CNTN5: variants seen among roughly 807,000 people sequenced by gnomAD.
CNTN5 encodes the protein contactin 5.
In CNTN5, 77 loss-of-function variants were observed where a neutral mutation model predicts 129.1. The ratio of observed to expected loss-of-function variants is 0.60; its 90% CI spans 0.50 to 0.72. The LOEUF is 0.72. Ranked by LOEUF, CNTN5 falls within the 30% of genes least tolerant of loss-of-function variation. The probability of loss-of-function intolerance (pLI) is 0.00; values close to 1 mark genes in which losing one functional copy is unlikely to be tolerated. For missense variants in CNTN5, 1,478 were observed against 1,328.8 expected (o/e 1.11, Z -1.75); for synonymous variants, 509 against 465.6 (o/e 1.09, Z -1.20).
At chr11:100,070,000 G>GTT (rs1044081474) in intron 10 of CNTN5, among the ~76,000 whole-genome samples, 4 of 151,992 alleles carry the variant, frequency 2.6e-5, no homozygotes, top group Middle Eastern at 3.2e-3. Flanking sequence ...TCATTCAGGT[G>GTT]TTATATATAT....
intron 1 of CNTN5, among the ~76,000 whole-genome samples, chr11:99,135,747 G>A (rs996072157): frequency 6.6e-6 from 1 of 151,904 alleles, no homozygotes; most frequent in African/African-American, 2.4e-5. Flanking sequence ...ATACTTACAT[G>A]TTTATAGTAA....
chr11:100,315,614 G>A (rs1951559881), intron 21 of CNTN5, among the ~76,000 whole-genome samples: 1 of 152,052 alleles, frequency 6.6e-6, no homozygotes, highest in African/African-American at 2.4e-5. Flanking sequence ...AAGAAAAATG[G>A]TGGTCTTTTC....
chr11:99,162,462 C>T (rs968754497), intron 1 of CNTN5, among the ~76,000 whole-genome samples: 2 of 152,084 alleles, frequency 1.3e-5, no homozygotes, highest in African/African-American at 4.8e-5. Context: ...CTGGGTCATG[C>T]TTGGTGAATC....
chr11:99,636,733 A>G (rs2135822981), intron 3 of CNTN5, among the ~76,000 whole-genome samples: 1 of 151,854 alleles, frequency 6.6e-6, no homozygotes, highest in Non-Finnish European at 1.5e-5. Flanking sequence ...TAAATGACTC[A>G]GCTGGGCGCG....
intron 3 of CNTN5, among the ~76,000 whole-genome samples, chr11:99,664,669 T>A (rs1258842362): frequency 6.6e-6 from 1 of 152,212 alleles, no homozygotes; most frequent in Non-Finnish European, 1.5e-5. Flanking sequence ...GTTGGATCAC[T>A]GGAACTATTA....
At chr11:99,420,789 A>G (rs1942854214) in intron 2 of CNTN5, among the ~76,000 whole-genome samples, 2 of 152,120 alleles carry the variant, frequency 1.3e-5, no homozygotes, top group African/African-American at 2.4e-5. Flanking sequence ...CAAGATAGAC[A>G]TTTTCTCTCT....
At chr11:100,212,927 C>T (rs1413361992) in intron 15 of CNTN5, among the ~76,000 whole-genome samples, 1 of 152,088 alleles carries the variant, frequency 6.6e-6, no homozygotes, top group East Asian at 1.9e-4. Flanking sequence ...GTTTCAGTCT[C>T]ATGGCACCCT....
At chr11:99,339,068 T>C (rs889411580) in intron 2 of CNTN5, among the ~76,000 whole-genome samples, 1 of 150,730 alleles carries the variant, frequency 6.6e-6, no homozygotes, top group Non-Finnish European at 1.5e-5. Flanking sequence ...AGATAAATGC[T>C]GAGGGGATGG....
At chr11:99,399,137 C>T (rs939570136) in intron 2 of CNTN5, among the ~76,000 whole-genome samples, 2 of 140,370 alleles carry the variant, frequency 1.4e-5, no homozygotes, top group Admixed American at 7.7e-5. Flanking sequence ...AATTATGGGG[C>T]TACATAAGCA....
intron 1 of CNTN5, among the ~76,000 whole-genome samples, chr11:99,071,592 G>A (rs1326867137): frequency 6.6e-6 from 1 of 152,068 alleles, no homozygotes; most frequent in Non-Finnish European, 1.5e-5. Flanking sequence ...TCTAACTTAA[G>A]TTTAGCATCA....
At chr11:99,027,331 T>C (rs1256429728) in intron 1 of CNTN5, among the ~76,000 whole-genome samples, 1 of 151,564 alleles carries the variant, frequency 6.6e-6, no homozygotes, top group Non-Finnish European at 1.5e-5. Context: ...GAAATGTAGA[T>C]GAGAGTATAT....
chr11:99,258,371 C>T (rs1019860562), intron 1 of CNTN5, among the ~76,000 whole-genome samples: 10 of 152,000 alleles, frequency 6.6e-5, no homozygotes, highest in African/African-American at 2.4e-4. Flanking sequence ...CATTTAGCTC[C>T]CACTTAAAAG....
rs79098566 is a variant in CNTN5, at chr11:99,588,724, A to G, written c.55+32455A>G. 8.2e-3 allele frequency among the ~76,000 whole-genome samples: 1,255 copies of G among 152,248 alleles called. 15 individuals carry two copies. Among genetic ancestry groups the G allele is most frequent in the African/African-American group, 0.028 (1,179 of 41,536 alleles). Reference sequence around the variant, plus strand: ...ACATCTGGGCTAACATCTGACCTGTATTTACCTTCAGAAATCAGGGAAATC... The same window carrying G: ...ACATCTGGGCTAACATCTGACCTGTGTTTACCTTCAGAAATCAGGGAAATC... On this transcript the variant is annotated intron_variant, in intron 3 of 24. Transcript: ENST00000524871.
chr11:100,006,120 A>G (rs1940174567), intron 9 of CNTN5, among the ~76,000 whole-genome samples: 1 of 152,196 alleles, frequency 6.6e-6, no homozygotes, highest in Non-Finnish European at 1.5e-5. Flanking sequence ...AGTAGCATTT[A>G]CATGCCTGGC....
intron 9 of CNTN5, among the ~76,000 whole-genome samples, chr11:100,034,699 CT>C (rs1462359044): frequency 6.6e-6 from 1 of 152,160 alleles, no homozygotes; most frequent in Non-Finnish European, 1.5e-5. Flanking sequence ...CAATGGCAGC[CT>C]TAGGTACTTG....
At chr11:100,289,561 G>T (rs376269129) in intron 18 of CNTN5, among the ~76,000 whole-genome samples, 1 of 151,958 alleles carries the variant, frequency 6.6e-6, no homozygotes, top group Non-Finnish European at 1.5e-5. Flanking sequence ...ATTCAACAAC[G>T]CTTCATGCTA....
intron 16 of CNTN5, among the ~76,000 whole-genome samples, chr11:100,230,396 A>C (rs769229359): frequency 1.3e-5 from 2 of 152,140 alleles, no homozygotes; most frequent in Non-Finnish European, 2.9e-5. Context: ...AGACACTGAA[A>C]AGCAGTTGTT....
At chr11:99,125,659 C>A (rs1858589030) in intron 1 of CNTN5, among the ~76,000 whole-genome samples, 1 of 152,040 alleles carries the variant, frequency 6.6e-6, no homozygotes, top group Non-Finnish European at 1.5e-5. Context: ...GAAAGAAAGC[C>A]AAACTACATT....
At chr11:99,420,014 TAGG>T (rs758647605) in intron 2 of CNTN5, among the ~76,000 whole-genome samples, 1 of 152,026 alleles carries the variant, frequency 6.6e-6, no homozygotes, top group African/African-American at 2.4e-5. Context: ...TTAAATAAAG[TAGG>T]AGAAGTGCTA....
Sources: allele counts gnomAD v4.1 joint callset (sites outside exome capture counted in the v4.1 genomes callset), GRCh38; gene constraint gnomAD v4.1.1; transcripts MANE v1.5; gene names NCBI Gene and HGNC (gene_info 2026-07-23, HGNC 2026-07-21).